The following PHEX variants were observed in gnomAD, a reference collection of about 807,000 sequenced individuals.
PHEX encodes the protein phosphate-regulating neutral endopeptidase PHEX.
A neutral mutation model predicts 68.0 loss-of-function variants in PHEX; 16 were observed. That is an observed-to-expected ratio of 0.24 (90% CI 0.16 to 0.36). PHEX has a LOEUF of 0.36. PHEX is among the 10% of genes least tolerant of loss of function. The probability of loss-of-function intolerance (pLI) is 1.00; values close to 1 mark genes in which losing one functional copy is unlikely to be tolerated. For missense variants in PHEX, 480 were observed against 575.5 expected (o/e 0.83, Z 1.70); for synonymous variants, 208 against 205.1 (o/e 1.01, Z -0.12).
At chrX:22,103,873 A>G (rs1389566943) in intron 9 of PHEX, among the ~76,000 whole-genome samples, 1 of 111,942 alleles carries the variant, frequency 8.9e-6, no homozygotes, top group African/African-American at 3.3e-5. Context: ...TCTTTAAGGA[A>G]TCTCCATACT....
intron 12 of PHEX, among the ~76,000 whole-genome samples, chrX:22,153,695 C>T (rs894795306): frequency 5.3e-4 from 59 of 111,504 alleles, no homozygotes; most frequent in Non-Finnish European, 1.1e-4. Flanking sequence ...AGATGGCATT[C>T]GAATCTCGGG....
intron 9 of PHEX, among the ~76,000 whole-genome samples, chrX:22,101,162 C>T (rs752171141): frequency 9.0e-6 from 1 of 111,572 alleles, no homozygotes; most frequent in Middle Eastern, 4.6e-3. Context: ...GGTGACATAG[C>T]GAGACTCTGT....
At chrX:22,108,458 A>G (rs780648494) in intron 9 of PHEX, among the ~76,000 whole-genome samples, 2 of 111,151 alleles carry the variant, frequency 1.8e-5, no homozygotes, top group Admixed American at 9.6e-5. Flanking sequence ...CTTCACCACT[A>G]TACAATTTAT....
At chrX:22,050,036 C>T (rs1318101105) in intron 3 of PHEX, among the ~76,000 whole-genome samples, 5 of 112,457 alleles carry the variant, frequency 4.4e-5, no homozygotes, top group South Asian at 3.7e-4. Flanking sequence ...CACATCCATT[C>T]GCTTATGCAT....
intron 3 of PHEX, among the ~76,000 whole-genome samples, chrX:22,072,990 C>A (rs1469674053): frequency 8.9e-6 from 1 of 111,833 alleles, no homozygotes; most frequent in Non-Finnish European, 1.9e-5. Flanking sequence ...ATATGTCTTC[C>A]CATTTAGAAT....
chrX:22,167,190 T>C (rs1269036819), intron 12 of PHEX, among the ~76,000 whole-genome samples: 1 of 109,680 alleles, frequency 9.1e-6, no homozygotes, highest in Non-Finnish European at 1.9e-5. Flanking sequence ...GTATGGTAGT[T>C]ACATTTTTAA....
intron 9 of PHEX, 89 bp downstream of exon 9, chrX:22,099,240 T>G: frequency 1.1e-5 from 10 of 897,629 alleles, no homozygotes; most frequent in Non-Finnish European, 1.6e-5. Context: ...GAAAACTGTT[T>G]TTAAAGAATG....
At chrX:22,144,436 T>C (rs183070736) in intron 12 of PHEX, among the ~76,000 whole-genome samples, 128 of 111,428 alleles carry the variant, frequency 1.1e-3, no homozygotes, top group Non-Finnish European at 2.1e-3. Context: ...ATAACTAATC[T>C]CCGTATACTT....
chrX:22,197,536 T>C (rs1934405355), intron 15 of PHEX, among the ~76,000 whole-genome samples: 1 of 110,828 alleles, frequency 9.0e-6, no homozygotes, highest in African/African-American at 3.3e-5. Context: ...AGGAGTACCA[T>C]GTGAGTGCGC....
At chrX:22,191,133 C>T (rs1934187113) in intron 15 of PHEX, among the ~76,000 whole-genome samples, 1 of 111,643 alleles carries the variant, frequency 9.0e-6, no homozygotes, top group East Asian at 2.8e-4. Flanking sequence ...TATTCTTGTG[C>T]CTCAGCCTCC....
At chrX:22,193,939 A>G (rs181603231) in intron 15 of PHEX, among the ~76,000 whole-genome samples, 16 of 112,296 alleles carry the variant, frequency 1.4e-4, no homozygotes, top group African/African-American at 5.2e-4. Flanking sequence ...TCACCAGTCT[A>G]GCGAGTGTAA....
chrX:22,056,395 A>G, intron 3 of PHEX, among the ~76,000 whole-genome samples: 1 of 110,355 alleles, frequency 9.1e-6, no homozygotes, highest in Non-Finnish European at 1.9e-5. Context: ...ATTTCCTTCT[A>G]AGTCTGTTTG....
chrX:22,147,496 G>C (rs1159667877), intron 12 of PHEX, among the ~76,000 whole-genome samples: 1 of 110,545 alleles, frequency 9.0e-6, no homozygotes, highest in Non-Finnish European at 1.9e-5. Context: ...CGGACAGGCA[G>C]ATAGTGGAAA....
At chrX:22,084,179 G>T (rs1311918806) in intron 5 of PHEX, among the ~76,000 whole-genome samples, 1 of 110,996 alleles carries the variant, frequency 9.0e-6, no homozygotes, top group African/African-American at 3.3e-5. Context: ...TATTTTTTTT[G>T]AGATGGGATC....
At chrX:22,097,114 T>C in intron 8 of PHEX, 76 bp downstream of exon 8, 2 of 740,571 alleles carry the variant, frequency 2.7e-6, no homozygotes, top group East Asian at 6.4e-5. Flanking sequence ...TCTGTGTAAA[T>C]TTGTGTCTTG....
chrX:22,066,261 C>T (rs957372436), intron 3 of PHEX, among the ~76,000 whole-genome samples: 2 of 111,813 alleles, frequency 1.8e-5, no homozygotes, highest in African/African-American at 6.5e-5. Context: ...TGACAAATGG[C>T]GACCAATTCA....
At chrX:22,218,699 A>G (rs1009479987) in intron 16 of PHEX, among the ~76,000 whole-genome samples, 4 of 112,231 alleles carry the variant, frequency 3.6e-5, no homozygotes, top group African/African-American at 1.3e-4. Context: ...AGGTGTTCAT[A>G]AATATATAGC....
At chrX:22,072,611 G>A (rs1031244968) in intron 3 of PHEX, among the ~76,000 whole-genome samples, 16 of 111,663 alleles carry the variant, frequency 1.4e-4, no homozygotes, top group African/African-American at 4.9e-4. Context: ...ATTCAAAAAG[G>A]ACTCGTACGT....
chrX:22,134,328 C>T (rs779748198), intron 12 of PHEX, among the ~76,000 whole-genome samples: 2 of 112,500 alleles, frequency 1.8e-5, no homozygotes, highest in Non-Finnish European at 1.9e-5. Context: ...CAGTGGCTCA[C>T]GCCTGTAATA....
Sources: allele counts gnomAD v4.1 joint callset (sites outside exome capture counted in the v4.1 genomes callset), GRCh38; gene constraint gnomAD v4.1.1; transcripts MANE v1.5; gene names NCBI Gene and HGNC (gene_info 2026-07-23, HGNC 2026-07-21).